EVA1A: variants seen among roughly 807,000 people sequenced by gnomAD.
EVA1A encodes the protein eva-1 homolog A, regulator of programmed cell death.
Under a neutral mutation model 9.8 loss-of-function variants are expected in EVA1A, and 7 were observed. The ratio of observed to expected loss-of-function variants is 0.71; its 90% CI spans 0.41 to 1.34. The LOEUF (loss-of-function observed/expected upper bound fraction) is 1.34. Ranked by LOEUF, EVA1A falls within the 40% of genes most tolerant of loss-of-function variation. EVA1A has a pLI of 0.01. For missense variants in EVA1A, 206 were observed against 205.9 expected (o/e 1.00, Z 0.00); for synonymous variants, 90 against 85.6 (o/e 1.05, Z -0.28).
chr2:75,568,392 T>C (rs1004079916), intron 1 of EVA1A, among the ~76,000 whole-genome samples: 2 of 150,522 alleles, frequency 1.3e-5, no homozygotes, highest in African/African-American at 4.9e-5. Flanking sequence ...TATTAGATAA[T>C]AATAAATAAA....
At chr2:75,540,722 T>G (rs1160718006) in intron 1 of EVA1A, 1 of 152,194 alleles carries the variant, frequency 6.6e-6, no homozygotes, top group Admixed American at 6.5e-5. Context: ...CTCTCCAACT[T>G]TGGTTTATTT....
intron 1 of EVA1A, among the ~76,000 whole-genome samples, chr2:75,533,272 A>C (rs1159494353): frequency 6.6e-6 from 1 of 152,204 alleles, no homozygotes; most frequent in Admixed American, 6.5e-5. Context: ...TTCAGAACAC[A>C]GAGGATGTTT....
intron 1 of EVA1A, among the ~76,000 whole-genome samples, chr2:75,559,694 A>AGGGGGGGGG (rs1395254941): frequency 3.6e-4 from 1 of 2,782 alleles, no homozygotes; most frequent in Non-Finnish European, 6.6e-4. Context: ...ATGAGAAAGG[A>AGGGGGGGGG]GGTGGGGGGG....
upstream of EVA1A, among the ~76,000 whole-genome samples, chr2:75,563,856 C>T (rs549426823): frequency 6.6e-6 from 1 of 152,158 alleles, no homozygotes; most frequent in Non-Finnish European, 1.5e-5. Flanking sequence ...TTTGAAGGTA[C>T]CGTGTGTGGC....
At chr2:75,524,670 T>C (rs1378457771) in intron 1 of EVA1A, among the ~76,000 whole-genome samples, 5 of 152,176 alleles carry the variant, frequency 3.3e-5, no homozygotes, top group African/African-American at 1.2e-4. Context: ...AATCTTCTCA[T>C]TCCATCTTCT....
At chr2:75,559,597 C>T (rs1676841568) in intron 1 of EVA1A, among the ~76,000 whole-genome samples, 1 of 151,120 alleles carries the variant, frequency 6.6e-6, no homozygotes, top group Admixed American at 6.7e-5. Flanking sequence ...CCGCTGAACT[C>T]AGAGGACAGT....
intron 3 of EVA1A, among the ~76,000 whole-genome samples, chr2:75,501,024 C>CA (rs78473697): frequency 0.011 from 1,404 of 131,470 alleles, 9 homozygotes; most frequent in African/African-American, 0.022. Flanking sequence ...ATTACTTTTA[C>CA]AAAAAAAAAA....
Position 75,552,825 on chromosome 2 carries a change from C to T in EVA1A, c.-192+7855G>A, listed in dbSNP as rs149372792. 5.9e-4 allele frequency among the ~76,000 whole-genome samples: 90 copies of T among 152,240 alleles called. 2 individuals carry two copies. In the East Asian group the frequency reaches 0.015, roughly 25 times the overall value. Reference sequence around the variant, plus strand: ...AAGGAGGCTGAGATGTATCTGACTCCAAATCTCAGGCTTTTTCATCCCCTA... The same window carrying T: ...AAGGAGGCTGAGATGTATCTGACTCTAAATCTCAGGCTTTTTCATCCCCTA... On this transcript the variant is annotated intron_variant, in intron 1 of 3. Transcript: ENST00000393913.
At chr2:75,534,502 T>TAAAAA (rs56043076) in intron 1 of EVA1A, among the ~76,000 whole-genome samples, 39,830 of 148,270 alleles carry the variant, frequency 0.27, 6,091 homozygotes, top group African/African-American at 0.42. Flanking sequence ...TTCAAGTAAC[T>TAAAAA]AAAAAAAGAA....
chr2:75,507,428 G>A (rs936671694), intron 3 of EVA1A, among the ~76,000 whole-genome samples: 1 of 152,118 alleles, frequency 6.6e-6, no homozygotes, highest in Non-Finnish European at 1.5e-5. Flanking sequence ...GGTCTTCCCA[G>A]GTTTCCAAGT....
At position 75,548,177 on chromosome 2, in the gene EVA1A, G is replaced by T. The variant is rs77704856; in HGVS notation, c.-192+12503C>A. On this transcript the variant is annotated intron_variant, in intron 1 of 3. Transcript: ENST00000393913. ...AGACAGGGTCTCATTCTGTCACTCAGGCTATAATGCAGAAGCGTGATCTTG... is the reference window on the plus strand; with the variant it reads ...AGACAGGGTCTCATTCTGTCACTCATGCTATAATGCAGAAGCGTGATCTTG... Among the ~76,000 whole-genome samples, 699 of 152,298 alleles carry T rather than the reference G, an allele frequency of 4.6e-3. 4 individuals carry two copies. The highest frequency in any genetic ancestry group is 0.016 in the African/African-American group (674 of 41,572).
chr2:75,560,583 G>C (rs1021476049), intron 1 of EVA1A, 97 bp downstream of exon 1: 2 of 152,394 alleles, frequency 1.3e-5, no homozygotes, highest in Admixed American at 6.5e-5. Context: ...GAAGTGCTCT[G>C]GGTGTTTCCG....
At chr2:75,499,404 T>A (rs192972249) in intron 3 of EVA1A, among the ~76,000 whole-genome samples, 19 of 152,232 alleles carry the variant, frequency 1.2e-4, no homozygotes, top group South Asian at 1.0e-3. Context: ...GAAAAGTCAG[T>A]GGGCACAGGA....
chr2:75,561,057 C>G (rs938193556), upstream of EVA1A: 7 of 152,242 alleles, frequency 4.6e-5, no homozygotes, highest in Non-Finnish European at 1.0e-4. Flanking sequence ...TGTGGGCGCC[C>G]GCAAGACGCG....
chr2:75,531,627 T>G (rs1191710319), intron 1 of EVA1A, among the ~76,000 whole-genome samples: 1 of 152,112 alleles, frequency 6.6e-6, no homozygotes, highest in African/African-American at 2.4e-5. Flanking sequence ...TGGATGGAGT[T>G]GGAGACCATT....
chr2:75,517,957 T>C, intron 3 of EVA1A, 99 bp downstream of exon 3: 2 of 1,367,806 alleles, frequency 1.5e-6, no homozygotes, highest in Non-Finnish European at 1.0e-6. Context: ...TTACGTAGTG[T>C]GTCTTTACTG....
At chr2:75,558,675 G>C (rs1558695104) in intron 1 of EVA1A, 1 of 152,208 alleles carries the variant, frequency 6.6e-6, no homozygotes, top group Non-Finnish European at 1.5e-5. Flanking sequence ...CAAGGAGGAA[G>C]AAGGGCATTC....
chr2:75,517,606 C>G (rs918943599), intron 3 of EVA1A, among the ~76,000 whole-genome samples: 1 of 152,156 alleles, frequency 6.6e-6, no homozygotes, highest in Non-Finnish European at 1.5e-5. Context: ...TCTACAGCTT[C>G]GTCAAATACC....
At chr2:75,503,380 T>C (rs976019075) in intron 3 of EVA1A, among the ~76,000 whole-genome samples, 2 of 152,236 alleles carry the variant, frequency 1.3e-5, no homozygotes, top group African/African-American at 4.8e-5. Context: ...GTCAGTTGTT[T>C]TCCCTTAATA....
Sources: gnomAD v4.1 joint callset for allele counts (sites outside exome capture counted in the v4.1 genomes callset) on GRCh38, gnomAD v4.1.1 for gene constraint, MANE v1.5 for transcripts, NCBI Gene and HGNC (gene_info 2026-07-23, HGNC 2026-07-21) for gene names.